The following OCA2 variants were observed in gnomAD, a reference collection of about 807,000 sequenced individuals.
The protein encoded by OCA2 is P protein.
OCA2 carries 77 observed loss-of-function variants against 100.2 expected under a neutral mutation model. The observed-to-expected ratio is 0.77, with a 90% CI of 0.64 to 0.93. The LOEUF (loss-of-function observed/expected upper bound fraction) is 0.93, where lower values mean the gene tolerates loss of function less well. Among genes scored for constraint, OCA2 ranks in the 40% least tolerant of loss-of-function variants. OCA2 has a pLI of 0.00. For synonymous variants in OCA2, 432 were observed against 439.2 expected (o/e 0.98, Z 0.21); for missense variants, 1,062 against 1,089.1 (o/e 0.98, Z 0.35).
chr15:27,983,275 T>G, intron 14 of OCA2, 70 bp downstream of exon 14: 2 of 1,581,454 alleles, frequency 1.3e-6, no homozygotes, highest in Non-Finnish European at 1.7e-6. Context: ...AAGGCGTCCA[T>G]GTGGGGTAGA....
chr15:27,769,051 C>G (rs557403394), intron 23 of OCA2, among the ~76,000 whole-genome samples: 2 of 152,218 alleles, frequency 1.3e-5, no homozygotes, highest in Non-Finnish European at 2.9e-5. Context: ...GCGGGTTCAC[C>G]GGGAGCCTCC....
intron 2 of OCA2, 126 bp from the exon 3 acceptor site, chr15:28,032,289 T>A: frequency 1.3e-6 from 1 of 788,268 alleles, no homozygotes; most frequent in Non-Finnish European, 2.2e-6. Flanking sequence ...GAAATTTGCC[T>A]AAGGGTCTGT....
chr15:27,997,084 GAGAA>G (rs767762161), intron 9 of OCA2, among the ~76,000 whole-genome samples: 2,821 of 131,140 alleles, frequency 0.022, 35 homozygotes, highest in Non-Finnish European at 0.032. Context: ...GAGAAAGAGA[GAGAA>G]AGAAAGAAAG....
At chr15:27,796,327 G>A (rs74005205) in intron 23 of OCA2, among the ~76,000 whole-genome samples, 1,879 of 152,370 alleles carry the variant, frequency 0.012, 40 homozygotes, top group African/African-American at 0.042. Context: ...ACCCCAGTCT[G>A]GCCTCTCGCC....
intron 2 of OCA2, among the ~76,000 whole-genome samples, chr15:28,072,035 G>A (rs186282893): frequency 2.0e-5 from 3 of 152,232 alleles, no homozygotes; most frequent in Admixed American, 6.5e-5. Context: ...CCTAATATCC[G>A]GAATCTATTA....
chr15:27,770,855 T>TCCCTC (rs1566949026), intron 23 of OCA2, among the ~76,000 whole-genome samples: 1 of 104,588 alleles, frequency 9.6e-6, no homozygotes, highest in African/African-American at 5.6e-5. Flanking sequence ...CCTTCCTTCC[T>TCCCTC]TTCTTCCTTC....
intron 23 of OCA2, among the ~76,000 whole-genome samples, chr15:27,758,963 A>G (rs2030612876): frequency 6.6e-6 from 1 of 152,150 alleles, no homozygotes; most frequent in Non-Finnish European, 1.5e-5. Context: ...AGAAGCTGGG[A>G]AAATCCTAAA....
chr15:27,949,868 CAACCT>C (rs2039974212), intron 18 of OCA2, among the ~76,000 whole-genome samples: 1 of 152,280 alleles, frequency 6.6e-6, no homozygotes, highest in South Asian at 2.1e-4. Flanking sequence ...TTCTCCTAGT[CAACCT>C]AACCTATCTT....
At chr15:27,865,379 G>A (rs550330868) in intron 21 of OCA2, among the ~76,000 whole-genome samples, 28 of 152,282 alleles carry the variant, frequency 1.8e-4, no homozygotes, top group African/African-American at 5.8e-4. Context: ...CTGTTGACCT[G>A]GCCAATGACG....
At chr15:27,796,068 C>T (rs2033316985) in intron 23 of OCA2, among the ~76,000 whole-genome samples, 1 of 152,218 alleles carries the variant, frequency 6.6e-6, no homozygotes, top group African/African-American at 2.4e-5. Context: ...GTTACGTACT[C>T]CCAGAAGGGA....
Position 27,926,192 on chromosome 15 carries a change from T to C in OCA2, c.2014A>G (p.Ile672Val), listed in dbSNP as rs2039036859. The C allele has an allele frequency of 1.9e-6, 3 of 1,614,128 alleles. No homozygotes were observed. The highest frequency in any genetic ancestry group is 1.3e-5 in the African/African-American group (1 of 75,064). Residue 672 changes from isoleucine to valine, a missense_variant, in exon 19 of 24, where the codon ATA becomes GTA. By Grantham distance (29) the Ile-to-Val change is conservative. Transcript: ENST00000354638. ...GCCCATTCCACTCTGTGTAGAATTA[T>C]CTCAAAATCATGAATATCAGCTAAA... ...LILADIHDFEIILHRVEWATL... is the reference protein window; with the variant it reads ...LILADIHDFEVILHRVEWATL...
chr15:28,083,339 C>T (rs56839008), intron 1 of OCA2, among the ~76,000 whole-genome samples: 30,376 of 152,170 alleles, frequency 0.2, 4,544 homozygotes, highest in East Asian at 0.71. Context: ...GAAACCTGAA[C>T]GACCAAGGAA....
intron 2 of OCA2, among the ~76,000 whole-genome samples, chr15:28,058,650 T>C (rs1194669668): frequency 6.6e-6 from 1 of 152,222 alleles, no homozygotes; most frequent in Non-Finnish European, 1.5e-5. Context: ...CTCTATTTCT[T>C]AGAGACCAGT....
chr15:27,997,892 A>C (rs1301303979), intron 9 of OCA2, among the ~76,000 whole-genome samples: 6 of 132,648 alleles, frequency 4.5e-5, no homozygotes, highest in African/African-American at 1.5e-4. Context: ...GAGGTCCTTC[A>C]CGTCCCTTGT....
chr15:27,807,564 G>C (rs1023949605), intron 23 of OCA2, among the ~76,000 whole-genome samples: 1 of 152,136 alleles, frequency 6.6e-6, no homozygotes, highest in Non-Finnish European at 1.5e-5. Flanking sequence ...CTTCACTTGG[G>C]CAGATGGAAG....
chr15:27,819,543 G>C (rs1467154005), intron 23 of OCA2, among the ~76,000 whole-genome samples: 1 of 152,230 alleles, frequency 6.6e-6, no homozygotes, highest in African/African-American at 2.4e-5. Context: ...GGAAGTGAAT[G>C]ATTAAGTAAA....
intron 19 of OCA2, among the ~76,000 whole-genome samples, chr15:27,896,942 G>C (rs1346272228): frequency 6.6e-6 from 1 of 152,140 alleles, no homozygotes; most frequent in Non-Finnish European, 1.5e-5. Context: ...TATAATCCCA[G>C]CACTCTGGGG....
At chr15:28,011,627 A>G (rs958616637) in intron 9 of OCA2, among the ~76,000 whole-genome samples, 3 of 152,160 alleles carry the variant, frequency 2.0e-5, no homozygotes, top group Admixed American at 1.3e-4. Context: ...TATAACAGAA[A>G]AAAACTGGCC....
intron 4 of OCA2, among the ~76,000 whole-genome samples, chr15:28,026,851 T>C (rs1410238035): frequency 6.6e-6 from 1 of 152,178 alleles, no homozygotes; most frequent in African/African-American, 2.4e-5. Context: ...GTGACGCTAA[T>C]ATTTGATGAC....
Sources: gnomAD v4.1 joint callset for allele counts (sites outside exome capture counted in the v4.1 genomes callset) on GRCh38, gnomAD v4.1.1 for gene constraint, MANE v1.5 for transcripts, NCBI Gene and HGNC (gene_info 2026-07-23, HGNC 2026-07-21) for gene names.